FHOD3: variants seen among roughly 807,000 people sequenced by gnomAD.
FHOD3 encodes the protein FH1/FH2 domain-containing protein 3.
In FHOD3, 90 loss-of-function variants were observed where a neutral mutation model predicts 173.0. That is an observed-to-expected ratio of 0.52 (90% CI 0.44 to 0.62). The LOEUF is 0.62. Ranked by LOEUF, FHOD3 falls within the 20% of genes least tolerant of loss-of-function variation. The probability of loss-of-function intolerance (pLI) is 0.00; values close to 1 mark genes in which losing one functional copy is unlikely to be tolerated. For synonymous variants in FHOD3, 828 were observed against 823.0 expected (o/e 1.01, Z -0.10); for missense variants, 1,945 against 2,034.7 (o/e 0.96, Z 0.85).
intron 14 of FHOD3, among the ~76,000 whole-genome samples, chr18:36,659,361 T>G (rs2036627018): frequency 6.6e-6 from 1 of 152,190 alleles, no homozygotes; most frequent in Non-Finnish European, 1.5e-5. Context: ...GGTAACCATT[T>G]GATTACCCCG....
rs1258300939 is a variant in FHOD3 at position 36,618,458 on chromosome 18, G to A, written c.957+6363G>A. The stretch of plus-strand genomic sequence containing the variant: ...CTCCCGACTAGCTGGGATTACAGGT[G>A]TGCGCCACCATGCCTGGCTAATTTT... On this transcript the variant is annotated intron_variant, in intron 9 of 28. Transcript: ENST00000590592. Among the ~76,000 whole-genome samples, 3 of 151,788 alleles carry A rather than the reference G, an allele frequency of 2.0e-5. No homozygotes were observed. In the South Asian group the frequency reaches 6.3e-4, roughly 32 times the overall value.
chr18:36,771,752 G>A (rs949964914), intron 28 of FHOD3, among the ~76,000 whole-genome samples: 1 of 152,218 alleles, frequency 6.6e-6, no homozygotes, highest in African/African-American at 2.4e-5. Flanking sequence ...GAGCTGGGAA[G>A]AGCCATGGAG....
intron 5 of FHOD3, among the ~76,000 whole-genome samples, chr18:36,556,476 A>G (rs2057889967): frequency 6.6e-6 from 1 of 152,162 alleles, no homozygotes; most frequent in Admixed American, 6.5e-5. Flanking sequence ...GTGATCAGAG[A>G]ACCAATCCCC....
At position 36,602,268 on chromosome 18, in the gene FHOD3, G is replaced by T. The variant is rs564832228; in HGVS notation, c.719-406G>T. Among the ~76,000 whole-genome samples the T allele has an allele frequency of 1.2e-3, 185 of 152,302 alleles. 3 individuals are homozygous for T. The highest frequency in any genetic ancestry group is 4.3e-3 in the African/African-American group (179 of 41,564). On this transcript the variant is annotated intron_variant, in intron 7 of 28. Transcript: ENST00000590592. ...TTCTTTGAGTCACTGCTAGAGGGAT[G>T]TTAAGATCTTCCACATCCCCTTTTC...
intron 20 of FHOD3, among the ~76,000 whole-genome samples, chr18:36,737,448 G>C (rs2041692260): frequency 6.6e-6 from 1 of 152,162 alleles, no homozygotes; most frequent in Admixed American, 6.5e-5. Flanking sequence ...AAGTGTCTTG[G>C]CTATCTCTTA....
intron 3 of FHOD3, among the ~76,000 whole-genome samples, chr18:36,445,803 A>G (rs920287011): frequency 1.1e-4 from 16 of 152,146 alleles, no homozygotes; most frequent in Non-Finnish European, 8.8e-5. Context: ...GGGCATGTCC[A>G]GGTAGTTGCA....
chr18:36,556,105 G>A (rs2057869909), intron 5 of FHOD3, among the ~76,000 whole-genome samples: 1 of 151,920 alleles, frequency 6.6e-6, no homozygotes, highest in Admixed American at 6.6e-5. Flanking sequence ...TCTGTACTTT[G>A]TTACATTTTC....
At chr18:36,387,287 G>T (rs1312655745) in intron 3 of FHOD3, among the ~76,000 whole-genome samples, 1 of 152,102 alleles carries the variant, frequency 6.6e-6, no homozygotes, top group African/African-American at 2.4e-5. Context: ...AAAAATGGGG[G>T]ACTCTCACAC....
At position 36,403,749 on chromosome 18, in the gene FHOD3, G is replaced by C. The variant is rs534569020; in HGVS notation, c.337+31005G>C. On this transcript the variant is annotated intron_variant, in intron 3 of 28. Transcript: ENST00000590592. ...ATTTCAATTTAAGGTGGGAATATTC[G>C]TAACTGTATTGGGATACCTGAGCAA... Among the ~76,000 whole-genome samples, 10 of 152,344 alleles carry C rather than the reference G, an allele frequency of 6.6e-5. No homozygotes were observed. The East Asian group carries it at 1.9e-3, about 29-fold the overall frequency.
intron 17 of FHOD3, among the ~76,000 whole-genome samples, chr18:36,700,958 C>T (rs973920623): frequency 2.0e-5 from 3 of 152,228 alleles, no homozygotes; most frequent in Admixed American, 6.5e-5. Flanking sequence ...TCTTGTGTTT[C>T]CCTTGCATCT....
At chr18:36,460,672 T>C (rs1012006989) in intron 3 of FHOD3, among the ~76,000 whole-genome samples, 1 of 152,226 alleles carries the variant, frequency 6.6e-6, no homozygotes, top group Non-Finnish European at 1.5e-5. Flanking sequence ...ACTGCTGCCA[T>C]GGGGTCACTC....
At position 36,612,040 on chromosome 18, in the gene FHOD3, A is replaced by G. The variant is rs1387371260; in HGVS notation, c.902A>G (p.His301Arg). 6.2e-7 allele frequency: 1 copy of G among 1,614,212 alleles called. No individual in the cohort carries two copies. Among genetic ancestry groups the G allele is most frequent in the Admixed American group, 1.7e-5 (1 of 60,030 alleles). Reference protein sequence around the residue: ...ELGIAAVSQRHLNKKGTDLDL... With the variant: ...ELGIAAVSQRRLNKKGTDLDL... ...GGCATTGCTGCTGTGTCCCAGAGGC[A>G]CTTGAACAAGAAAGGGACTGACCTG... is the stretch of plus-strand genomic sequence containing the variant. Residue 301 changes from histidine to arginine, a missense_variant, in exon 9 of 29, where the codon CAC (histidine) becomes CGC (arginine). Physicochemically the swap from His to Arg is conservative, Grantham distance 29. Coordinates refer to ENST00000590592, the MANE Select transcript of FHOD3 (RefSeq NM_001281740.3).
At chr18:36,444,340 G>A (rs2051340835) in intron 3 of FHOD3, among the ~76,000 whole-genome samples, 1 of 151,802 alleles carries the variant, frequency 6.6e-6, no homozygotes, top group Admixed American at 6.6e-5. Context: ...AATACAGTTA[G>A]ATTCACAAAA....
chr18:36,733,429 G>A (rs984973294), intron 20 of FHOD3, among the ~76,000 whole-genome samples: 1 of 152,194 alleles, frequency 6.6e-6, no homozygotes, highest in African/African-American at 2.4e-5. Context: ...TACAAAGATA[G>A]CCAGAGCCAG....
At chr18:36,645,741 C>CTTTATT (rs2035635447) in intron 10 of FHOD3, among the ~76,000 whole-genome samples, 2 of 151,882 alleles carry the variant, frequency 1.3e-5, no homozygotes, top group African/African-American at 4.8e-5. Context: ...TACATTACAA[C>CTTTATT]AAAATGTATT....
At chr18:36,386,794 C>T (rs935546294) in intron 3 of FHOD3, among the ~76,000 whole-genome samples, 1 of 152,098 alleles carries the variant, frequency 6.6e-6, no homozygotes, top group Non-Finnish European at 1.5e-5. Flanking sequence ...TACTTGAGGC[C>T]TGGCCTTCAT....
intron 14 of FHOD3, among the ~76,000 whole-genome samples, chr18:36,679,705 T>C (rs1471814639): frequency 6.6e-6 from 1 of 152,164 alleles, no homozygotes; most frequent in Non-Finnish European, 1.5e-5. Flanking sequence ...ATTTATCTCC[T>C]TGTTATTGAT....
chr18:36,394,596 C>G (rs914503996), intron 3 of FHOD3, among the ~76,000 whole-genome samples: 2 of 152,092 alleles, frequency 1.3e-5, no homozygotes, highest in Non-Finnish European at 2.9e-5. Context: ...TTGAGTTGTC[C>G]CATTTTTGGC....
intron 8 of FHOD3, among the ~76,000 whole-genome samples, chr18:36,611,136 C>G (rs959035376): frequency 2.0e-5 from 3 of 152,098 alleles, no homozygotes; most frequent in Non-Finnish European, 4.4e-5. Context: ...TTTCATAGAC[C>G]ACGGGGAGGC....
Sources: gnomAD v4.1 joint callset for allele counts (sites outside exome capture counted in the v4.1 genomes callset) on GRCh38, gnomAD v4.1.1 for gene constraint, MANE v1.5 for transcripts, NCBI Gene and HGNC (gene_info 2026-07-23, HGNC 2026-07-21) for gene names.